Variants in CTDSP1 observed in about 807,000 individuals in gnomAD.
CTDSP1 encodes the protein carboxy-terminal domain RNA polymerase II polypeptide A small phosphatase 1.
CTDSP1 carries 15 observed loss-of-function variants against 32.5 expected under a neutral mutation model. That is an observed-to-expected ratio of 0.46 (90% CI 0.31 to 0.71). The LOEUF is 0.71. Among genes scored for constraint, CTDSP1 ranks in the 30% least tolerant of loss-of-function variants. The pLI is 0.05. For missense variants in CTDSP1, 294 were observed against 351.1 expected (o/e 0.84, Z 1.30); for synonymous variants, 185 against 145.4 (o/e 1.27, Z -1.96).
At position 218,402,613 on chromosome 2, in the gene CTDSP1, T is replaced by C. The variant is rs530468664; in HGVS notation, c.378+208T>C. 10 of 756,924 alleles carry C rather than the reference T, an allele frequency of 1.3e-5. No homozygotes were observed. In the African/African-American group the frequency reaches 1.5e-4, roughly 12 times the overall value. 46.9% of individuals were successfully genotyped at this position (756,924 alleles called of 1,614,324 possible). On this transcript the variant is annotated intron_variant, in intron 4 of 6. Coordinates refer to ENST00000273062, the MANE Select transcript of CTDSP1 (RefSeq NM_021198.3). ...TGCAGAGTGGGCTCCTCCTCTAGGCTCCCCCGTGCTGTGCTCCCTCGCCCC... is the reference window on the plus strand; with the variant it reads ...TGCAGAGTGGGCTCCTCCTCTAGGCCCCCCCGTGCTGTGCTCCCTCGCCCC...
At chr2:218,397,563 CCAGA>C (rs1325003245), upstream of CTDSP1, among the ~76,000 whole-genome samples, 2 of 152,208 alleles carry the variant, frequency 1.3e-5, no homozygotes, top group African/African-American at 4.8e-5. Flanking sequence ...TCCACAGGTG[CCAGA>C]CAGCACCTTG....
chr2:218,399,567 G>C (rs1696991355), upstream of CTDSP1: 1 of 196,884 alleles, frequency 5.1e-6, no homozygotes, highest in Non-Finnish European at 9.2e-6. Context: ...GCCGCACTCG[G>C]GCACTCCCCG....
intron 1 of CTDSP1, chr2:218,401,305 C>G (rs917659270): frequency 3.6e-6 from 2 of 548,366 alleles, no homozygotes; most frequent in Non-Finnish European, 6.5e-6. Flanking sequence ...CCCAGGACCT[C>G]CTTCTCCAGG....
upstream of CTDSP1, among the ~76,000 whole-genome samples, chr2:218,397,140 A>G (rs1237938227): frequency 6.6e-6 from 1 of 152,126 alleles, no homozygotes; most frequent in East Asian, 1.9e-4. Context: ...CTTGTGGGGC[A>G]GGACGGGGGA....
chr2:218,400,255 C>T (rs897778020), intron 1 of CTDSP1, 98 bp downstream of exon 1: 2 of 1,171,470 alleles, frequency 1.7e-6, no homozygotes, highest in Non-Finnish European at 2.4e-6. Flanking sequence ...CCGCCCCGGG[C>T]GGCCGCCTTA....
chr2:218,400,908 C>T (rs1038473414), intron 1 of CTDSP1: 3 of 456,154 alleles, frequency 6.6e-6, no homozygotes, highest in African/African-American at 2.0e-5. Context: ...GTCTGCCCAC[C>T]CTCGCCTGGG....
chr2:218,398,474 A>C, upstream of CTDSP1: 1 of 1,527,840 alleles, frequency 6.5e-7, no homozygotes, highest in Non-Finnish European at 8.8e-7. Flanking sequence ...CAGCCCGGGG[A>C]CCGGGGTATC....
At chr2:218,403,699 A>G (rs968550214) in intron 6 of CTDSP1, 6 of 364,792 alleles carry the variant, frequency 1.6e-5, no homozygotes, top group African/African-American at 4.2e-5. Context: ...GCCAGTTGTG[A>G]CCTACTGATG....
chr2:218,400,194 G>A, intron 1 of CTDSP1, 37 bp downstream of exon 1: 3 of 1,519,032 alleles, frequency 2.0e-6, no homozygotes, highest in Non-Finnish European at 2.7e-6. Flanking sequence ...AAGCCGGGGC[G>A]CCGTGGGAGG....
upstream of CTDSP1, chr2:218,398,239 G>A: frequency 1.6e-6 from 1 of 630,768 alleles, no homozygotes; most frequent in African/African-American, 1.9e-5. Flanking sequence ...TCCCGCCTTT[G>A]CCCTTGCCGG....
intron 4 of CTDSP1, 89 bp downstream of exon 4, chr2:218,402,494 A>G: frequency 7.7e-7 from 1 of 1,299,894 alleles, no homozygotes; most frequent in Non-Finnish European, 1.1e-6. Flanking sequence ...TCGGATGGGA[A>G]TTGGATACAT....
chr2:218,399,984 TCCCTCCCACCCCTC>T lies in CTDSP1; in HGVS notation c.-99_-86del. 10 of 345,222 alleles carry T rather than the reference TCCCTCCCACCCCTC, an allele frequency of 2.9e-5. No individual in the cohort carries two copies. Among genetic ancestry groups the T allele is most frequent in the Non-Finnish European group, 3.9e-5 (10 of 259,370 alleles). The allele number at this position is 345,222 out of a possible 1,614,324, so 21.4% of individuals were successfully genotyped here. On this transcript the variant is annotated 5_prime_UTR_variant, in exon 1 of 7. Transcript: ENST00000273062. Reference sequence around the variant, plus strand: ...CCCCTCCGGAGCTCGCGGGGATCCCTCCCTCCCACCCCTCCCCTCCCCCCCGCGCCCCGATTCCG... The same window carrying T: ...CCCCTCCGGAGCTCGCGGGGATCCCTCCCTCCCCCCCGCGCCCCGATTCCG...
In CTDSP1 at chr2:218,399,939, C is replaced by T. The variant is rs1697021573; in HGVS notation, c.-152C>T. On this transcript the variant is annotated 5_prime_UTR_variant, in exon 1 of 7. Coordinates refer to ENST00000273062, the MANE Select transcript of CTDSP1 (RefSeq NM_021198.3). ...TCCGCGCCCCCTCCCTCCCCCTCCCCCCTAGAACCTGGCTCCCCTCCCCTC... is the reference window on the plus strand; with the variant it reads ...TCCGCGCCCCCTCCCTCCCCCTCCCTCCTAGAACCTGGCTCCCCTCCCCTC... 4 of 1,165,558 alleles carry T rather than the reference C, an allele frequency of 3.4e-6. No homozygotes were observed. Among genetic ancestry groups the T allele is most frequent in the South Asian group, 2.3e-5 (1 of 43,526 alleles). The allele number at this position is 1,165,558 out of a possible 1,614,324, so 72.2% of individuals were successfully genotyped here.
chr2:218,400,123 CAAG>C lies in CTDSP1; in HGVS notation c.34_36del (p.Lys12del), dbSNP rs1416414440. 6.5e-6 allele frequency: 10 copies of C among 1,545,406 alleles called. No individual in the cohort carries two copies. The highest frequency in any genetic ancestry group is 8.7e-6 in the Non-Finnish European group (10 of 1,145,274). ...GCTCGGCCGTCATTACTCAGATCAG[CAAG>C]GAGGAGGCTCGGGGCCCGCTGCGGG... On this transcript the variant is annotated inframe_deletion, in exon 1 of 7. Transcript: ENST00000273062.
At chr2:218,404,188 G>C in intron 6 of CTDSP1, 109 bp from the exon 7 acceptor site, 2 of 1,357,870 alleles carry the variant, frequency 1.5e-6, no homozygotes, top group Non-Finnish European at 2.0e-6. Context: ...CTGTGGGTGA[G>C]GGGTTTTCAG....
upstream of CTDSP1, chr2:218,398,555 CG>C: frequency 9.9e-7 from 1 of 1,011,476 alleles, no homozygotes; most frequent in Non-Finnish European, 1.4e-6. Context: ...TTCTGGCAGA[CG>C]CCGCTCCCCT....
upstream of CTDSP1, chr2:218,398,238 T>C: frequency 1.6e-6 from 1 of 627,250 alleles, no homozygotes; most frequent in South Asian, 1.8e-5. Flanking sequence ...ATCCCGCCTT[T>C]GCCCTTGCCG....
intron 2 of CTDSP1, 39 bp downstream of exon 2, chr2:218,401,751 C>T (rs943352145): frequency 2.6e-6 from 4 of 1,514,198 alleles, no homozygotes; most frequent in African/African-American, 2.8e-5. Flanking sequence ...GGCACCTGGA[C>T]TCAGTCTTCA....
At chr2:218,400,842 G>A (rs1230152492) in intron 1 of CTDSP1, 3 of 455,736 alleles carry the variant, frequency 6.6e-6, no homozygotes, top group Non-Finnish European at 1.3e-5. Flanking sequence ...CGGGGTGGGG[G>A]GGTCTGTCTT....
Sources: gnomAD v4.1 joint callset for allele counts (sites outside exome capture counted in the v4.1 genomes callset) on GRCh38, gnomAD v4.1.1 for gene constraint, MANE v1.5 for transcripts, NCBI Gene and HGNC (gene_info 2026-07-23, HGNC 2026-07-21) for gene names.